CD163L1: variants seen among roughly 807,000 people sequenced by gnomAD.
CD163L1 encodes the protein CD163 molecule like 1.
A neutral mutation model predicts 165.4 loss-of-function variants in CD163L1; 124 were observed. The observed-to-expected ratio is 0.75, with a 90% CI of 0.65 to 0.87. The LOEUF is 0.87. CD163L1 is among the 40% of genes least tolerant of loss of function. CD163L1 has a pLI of 0.00. For synonymous variants in CD163L1, 585 were observed against 662.2 expected (o/e 0.88, Z 1.79); for missense variants, 1,525 against 1,799.9 (o/e 0.85, Z 2.76).
At chr12:7,366,161 T>C (rs114760138) in intron 18 of CD163L1, among the ~76,000 whole-genome samples, 2,361 of 152,158 alleles carry the variant, frequency 0.016, 60 homozygotes, top group African/African-American at 0.053. Flanking sequence ...AAGACAAATA[T>C]CCATGTTCTC....
chr12:7,419,008 T>C (rs757070231), intron 4 of CD163L1, among the ~76,000 whole-genome samples: 1 of 152,110 alleles, frequency 6.6e-6, no homozygotes, highest in South Asian at 2.1e-4. Flanking sequence ...GAGAGAATCC[T>C]CCGTAAATCA....
chr12:7,440,762 G>C (rs1458088431), intron 2 of CD163L1, among the ~76,000 whole-genome samples: 3 of 151,748 alleles, frequency 2.0e-5, no homozygotes, highest in East Asian at 3.9e-4. Flanking sequence ...AAGTAGCTGG[G>C]GTTACAGGTG....
In CD163L1 at chr12:7,441,199, T is replaced by C. The variant is rs1374511991; in HGVS notation, c.79A>G (p.Thr27Ala). 1 of 1,614,074 alleles carries C rather than the reference T, an allele frequency of 6.2e-7. No homozygotes were observed. Among genetic ancestry groups the C allele is most frequent in the Admixed American group, 1.7e-5 (1 of 60,018 alleles). Residue 27 changes from threonine (T) to alanine (A), a missense_variant, in exon 2 of 20, where the codon ACT becomes GCT. Thr to Ala is a moderately conservative substitution (Grantham distance 58, BLOSUM62 0). Coordinates refer to ENST00000313599, the MANE Select transcript of CD163L1 (RefSeq NM_174941.6). The part of the protein sequence containing the change: ...CHQNLFSAVV[T>A]CILLLNSCFL... ...CAGGAATTCAGGAGCAGGATGCAAGTTACCACAGCAGAGAAAAGGTTCTGA... is the reference window on the plus strand; with the variant it reads ...CAGGAATTCAGGAGCAGGATGCAAGCTACCACAGCAGAGAAAAGGTTCTGA...
chr12:7,375,657 C>T (rs377336927), intron 10 of CD163L1, 43 bp downstream of exon 10: 97 of 1,610,718 alleles, frequency 6.0e-5, no homozygotes, highest in Non-Finnish European at 7.6e-5. Flanking sequence ...CCCAAACTCC[C>T]CATCTCTAGC....
At chr12:7,421,606 CAT>C (rs1224110185) in intron 4 of CD163L1, among the ~76,000 whole-genome samples, 1 of 3,666 alleles carries the variant, frequency 2.7e-4, no homozygotes, top group Non-Finnish European at 1.1e-3. Context: ...TATATGTACA[CAT>C]ATACATATAT....
At chr12:7,353,036 A>G (rs1379746273), downstream of CD163L1, among the ~76,000 whole-genome samples, 1 of 152,146 alleles carries the variant, frequency 6.6e-6, no homozygotes, top group Non-Finnish European at 1.5e-5. Context: ...AGCTATTTAA[A>G]TAAGTTTGAA....
In CD163L1 at chr12:7,374,304, G is replaced by A; in HGVS notation, c.3409+138C>T. The A allele has an allele frequency of 1.2e-6, 1 of 800,622 alleles. No individual in the cohort carries two copies. The highest frequency in any genetic ancestry group is 2.0e-6 in the Non-Finnish European group (1 of 510,962). 49.6% of individuals were successfully genotyped at this position (800,622 alleles called of 1,614,324 possible). On this transcript the variant is annotated intron_variant, in intron 13 of 19. Coordinates refer to ENST00000313599, the MANE Select transcript of CD163L1 (RefSeq NM_174941.6). The surrounding 1 kb of genome is among the most constrained non-coding windows in gnomAD (Gnocchi z 5.4). ...AGGGTATTAAGAAATCAGTATAAGA[G>A]AATAGGATTAAAACCAAGTGGATTT...
At chr12:7,409,253 T>C (rs923110688) in intron 4 of CD163L1, among the ~76,000 whole-genome samples, 3 of 152,146 alleles carry the variant, frequency 2.0e-5, no homozygotes, top group Admixed American at 6.6e-5. Flanking sequence ...TAAAGTAAGT[T>C]TTATTTTTGT....
chr12:7,434,310 A>C (rs1948686025), intron 2 of CD163L1, among the ~76,000 whole-genome samples: 1 of 152,218 alleles, frequency 6.6e-6, no homozygotes, highest in African/African-American at 2.4e-5. Flanking sequence ...ACAGGTAGAC[A>C]ACCACTTCAG....
At chr12:7,324,702 G>C in the CD163L1 span, 42 of 1,257,862 alleles carry the variant, frequency 3.3e-5, no homozygotes, top group Non-Finnish European at 4.1e-5. Context: ...ATTAATTCTC[G>C]TTATGAAGCA....
chr12:7,325,625 C>A, the CD163L1 span, among the ~76,000 whole-genome samples: 2 of 152,090 alleles, frequency 1.3e-5, no homozygotes, highest in African/African-American at 2.4e-5. Flanking sequence ...CCAGCCTGGA[C>A]AACAGAGACA....
intron 17 of CD163L1, among the ~76,000 whole-genome samples, chr12:7,367,728 G>A (rs1309765576): frequency 1.3e-5 from 2 of 152,162 alleles, no homozygotes; most frequent in Non-Finnish European, 2.9e-5. Flanking sequence ...TCAAACCCAG[G>A]AAACTCTTGT....
At chr12:7,325,640 C>T in the CD163L1 span, among the ~76,000 whole-genome samples, 1 of 152,168 alleles carries the variant, frequency 6.6e-6, no homozygotes, top group African/African-American at 2.4e-5. Flanking sequence ...GAGACAGACT[C>T]TGTCTCAAAG....
At chr12:7,417,699 T>C (rs1442094543) in intron 4 of CD163L1, among the ~76,000 whole-genome samples, 1 of 152,178 alleles carries the variant, frequency 6.6e-6, no homozygotes, top group Non-Finnish European at 1.5e-5. Context: ...GTTCTGTTAA[T>C]GTGATAGATT....
intron 8 of CD163L1, among the ~76,000 whole-genome samples, chr12:7,387,832 C>G (rs1947553729): frequency 6.6e-6 from 1 of 152,120 alleles, no homozygotes; most frequent in Non-Finnish European, 1.5e-5. Context: ...CAACCCCAAG[C>G]AAGAAGAATA....
At chr12:7,358,835 T>C (rs1383541736) in intron 18 of CD163L1, among the ~76,000 whole-genome samples, 1 of 152,048 alleles carries the variant, frequency 6.6e-6, no homozygotes, top group Non-Finnish European at 1.5e-5. Flanking sequence ...TGTTATGGGA[T>C]CTAAAGGAAA....
Position 7,379,198 on chromosome 12 carries a change from A to T in CD163L1, c.2151T>A (p.Asn717Lys). 1 of 1,614,192 alleles carries T rather than the reference A, an allele frequency of 6.2e-7. No individual in the cohort carries two copies. Among genetic ancestry groups the T allele is most frequent in the Middle Eastern group, 1.6e-4 (1 of 6,062 alleles). The change falls in exon 9 of 20, where the codon AAT becomes AAA. Residue 717 changes from asparagine to lysine, a missense_variant. Coordinates refer to ENST00000313599, the MANE Select transcript of CD163L1 (RefSeq NM_174941.6). ...CTTCAGCAATGTTCATTCCCCAGCCATTAGCACACAGAATTCCCACGGCAC... is the reference window on the plus strand; with the variant it reads ...CTTCAGCAATGTTCATTCCCCAGCCTTTAGCACACAGAATTCCCACGGCAC... ...VQGAVGILCA[N>K]GWGMNIAEVV... is the part of the protein sequence containing the mutation.
rs1460814143 is a variant in CD163L1 at position 7,373,503 on chromosome 12, G to C, written c.3547C>G (p.Gln1183Glu). Residue 1183 changes from glutamine to glutamate, a missense_variant, in exon 14 of 20, where the codon CAG becomes GAG. By Grantham distance (29) the Gln-to-Glu change is conservative. Coordinates refer to ENST00000313599, the MANE Select transcript of CD163L1 (RefSeq NM_174941.6). The part of the protein sequence containing the change: ...TTAIAGIVCR[Q>E]LGCGENGVVS... The stretch of plus-strand genomic sequence containing the variant: ...ACTCCATTCTCCCCACAGCCCAGCT[G>C]CCTGCACACAATGCCTGCTATGGCT... The C allele has an allele frequency of 1.9e-6, 3 of 1,614,090 alleles. No homozygotes were observed. Among genetic ancestry groups the C allele is most frequent in the Non-Finnish European group, 2.5e-6 (3 of 1,180,034 alleles).
At chr12:7,438,780 C>T in intron 2 of CD163L1, 1 of 1,470,130 alleles carries the variant, frequency 6.8e-7, no homozygotes. Context: ...GCCCTTACCT[C>T]CTCGGCTGAG....
Sources: allele counts gnomAD v4.1 joint callset (sites outside exome capture counted in the v4.1 genomes callset), GRCh38; gene constraint gnomAD v4.1.1; non-coding constraint Gnocchi (gnomAD v3.1); transcripts MANE v1.5; gene names NCBI Gene and HGNC (gene_info 2026-07-23, HGNC 2026-07-21).